Variants in RNF167 observed in about 807,000 individuals in gnomAD.
RNF167 encodes ring finger protein 167.
In RNF167, 19 loss-of-function variants were observed where a neutral mutation model predicts 34.8. That is an observed-to-expected ratio of 0.55 (90% CI 0.38 to 0.80). The LOEUF (loss-of-function observed/expected upper bound fraction) is 0.80, where lower values mean the gene tolerates loss of function less well. RNF167 is among the 30% of genes least tolerant of loss of function. RNF167 has a pLI of 0.00. For synonymous variants in RNF167, 200 were observed against 170.4 expected, an observed-to-expected ratio of 1.17 and a Z score of -1.35; for missense variants, 464 against 447.0, an observed-to-expected ratio of 1.04 and a Z score of -0.34.
At chr17:4,940,101 G>A (rs1299839240), upstream of RNF167, 3 of 447,576 alleles carry the variant, frequency 6.7e-6, no homozygotes, top group Non-Finnish European at 1.2e-5. Flanking sequence ...CGGAGCTGAA[G>A]GAGGAGCTTG....
rs1255429345 is a variant in RNF167, at chr17:4,945,206, GTTTC to G, written c.*194_*197del. 11 of 509,058 alleles carry G rather than the reference GTTTC, an allele frequency of 2.2e-5. No individual in the cohort carries two copies. The highest frequency in any genetic ancestry group is 5.1e-4 in the Middle Eastern group (1 of 1,960). The allele number at this position is 509,058 out of a possible 1,614,324, so 31.5% of individuals were successfully genotyped here. A position where few individuals can be genotyped will look rare whatever the true frequency, so the allele number is the denominator to read the frequency against. On this transcript the variant is annotated 3_prime_UTR_variant, in exon 10 of 10. Transcript: ENST00000262482. ...CTTCACTTCTTGGGCTAATAAAATTGTTTCTTTGTGGACTAAGGAAGGGTAAGAT... is the reference window on the plus strand; with the variant it reads ...CTTCACTTCTTGGGCTAATAAAATTGTTTGTGGACTAAGGAAGGGTAAGAT...
Position 4,943,247 on chromosome 17 carries a change from T to C in RNF167, c.539T>C (p.Ile180Thr), listed in dbSNP as rs1411029903. The change falls in exon 7 of 10, where the codon ATT becomes ACT. Residue 180 changes from isoleucine (I) to threonine (T), a missense_variant. By Grantham distance (89) the Ile-to-Thr change is moderately conservative (BLOSUM62 -1). Coordinates refer to ENST00000262482, the MANE Select transcript of RNF167 (RefSeq NM_015528.3). Reference sequence around the variant, plus strand: ...TATTACCTCATCCCTTTCACAGGGATTGTGGGACTGCTGGTTTTGGCCATG... The same window carrying C: ...TATTACCTCATCCCTTTCACAGGGACTGTGGGACTGCTGGTTTTGGCCATG... ...LGYYLIPFTG[I>T]VGLLVLAMGA... 6.2e-7 allele frequency: 1 copy of C among 1,613,964 alleles called. No homozygotes were observed. The highest frequency in any genetic ancestry group is 8.5e-7 in the Non-Finnish European group (1 of 1,180,008).
At position 4,940,689 on chromosome 17, in the gene RNF167, G is replaced by A; in HGVS notation, c.-221G>A. ...GCGTTTTATCCCCGTACCAGAAAAG[G>A]ATACATTTAGTGCCTCCCACCCAGC... is the stretch of plus-strand genomic sequence containing the variant. On this transcript the variant is annotated 5_prime_UTR_variant, in exon 2 of 10. Coordinates refer to ENST00000262482, the MANE Select transcript of RNF167 (RefSeq NM_015528.3). 2.2e-6 allele frequency: 1 copy of A among 448,800 alleles called. No homozygotes were observed. The highest frequency in any genetic ancestry group is 5.2e-5 in the South Asian group (1 of 19,416). The allele number at this position is 448,800 out of a possible 1,614,324, so 27.8% of individuals were successfully genotyped here.
At position 4,943,303 on chromosome 17, in the gene RNF167, A is replaced by G. The variant is rs1266434366; in HGVS notation, c.576+19A>G. The G allele has an allele frequency of 6.2e-6, 10 of 1,609,470 alleles. No individual in the cohort carries two copies. Among genetic ancestry groups the G allele is most frequent in the Admixed American group, 1.7e-5 (1 of 59,946 alleles). ...AGTAATGGTGAGTAGCTGAGGGAAC[A>G]TGATGGGAAGCACTGAGGCCTGTGA... On this transcript the variant is annotated intron_variant, in intron 7 of 9. Coordinates refer to ENST00000262482, the MANE Select transcript of RNF167 (RefSeq NM_015528.3).
chr17:4,940,108 C>T, upstream of RNF167: 2 of 442,682 alleles, frequency 4.5e-6, no homozygotes, highest in Non-Finnish European at 7.9e-6. Context: ...GAAGGAGGAG[C>T]TTGATGGAAG....
rs754184279 is a variant in RNF167, at chr17:4,945,030, A to G, written c.*14A>G. 2 of 1,520,842 alleles carry G rather than the reference A, an allele frequency of 1.3e-6. No homozygotes were observed. Among genetic ancestry groups the G allele is most frequent in the East Asian group, 4.6e-5 (2 of 43,890 alleles). The allele number at this position is 1,520,842 out of a possible 1,614,324, so 94.2% of individuals were successfully genotyped here. A position where few individuals can be genotyped will look rare whatever the true frequency, so the allele number is the denominator to read the frequency against. ...ATCCTGGTCTAATAACCCCCCACAC[A>G]TACACCTCTGGTGACCTATTTGCAC... On this transcript the variant is annotated 3_prime_UTR_variant, in exon 10 of 10. Transcript: ENST00000262482.
chr17:4,944,692 CTTCA>C lies in RNF167; in HGVS notation c.752-22_752-19del, dbSNP rs1567662190. On this transcript the variant is annotated intron_variant, in intron 9 of 9. Transcript: ENST00000262482. ...CTCTGCCACCAGCAGCCACCAGGTG[CTTCA>C]CCTTGTTCCTCTCTGCAGCCTACCA... 5 of 1,614,168 alleles carry C rather than the reference CTTCA, an allele frequency of 3.1e-6. No homozygotes were observed. The Admixed American group carries it at 5.0e-5, about 16-fold the overall frequency.
chr17:4,940,501 C>T lies in RNF167; in HGVS notation c.-409C>T, dbSNP rs1056856238. ...CGGCCTTTTAGGACCGGAAGTCCTT[C>T]ATCTCAAGCATCCAATGCTGAAAGC... is the stretch of plus-strand genomic sequence containing the variant. On this transcript the variant is annotated 5_prime_UTR_variant, in exon 2 of 10. Coordinates refer to ENST00000262482, the MANE Select transcript of RNF167 (RefSeq NM_015528.3). 1 of 175,992 alleles carries T rather than the reference C, an allele frequency of 5.7e-6. No homozygotes were observed. Among genetic ancestry groups the T allele is most frequent in the African/African-American group, 2.4e-5 (1 of 42,446 alleles). The allele number at this position is 175,992 out of a possible 1,614,324, so 10.9% of individuals were successfully genotyped here.
chr17:4,944,912 C>T lies in RNF167; in HGVS notation c.949C>T (p.Leu317Phe), dbSNP rs749500216. 29 of 1,613,730 alleles carry T rather than the reference C, an allele frequency of 1.8e-5. No individual in the cohort carries two copies. The highest frequency in any genetic ancestry group is 2.5e-5 in the Non-Finnish European group (29 of 1,179,862). Residue 317 changes from leucine (L) to phenylalanine (F), a missense_variant, in exon 10 of 10, where the codon CTT becomes TTT. Physicochemically the swap from Leu to Phe is conservative, Grantham distance 22 (BLOSUM62 0). Transcript: ENST00000262482. ...RTPLLGSSPT[L>F]PTSFGSLAPA... ...CCCACTTTTGGGTTCTAGCCCCACTCTTCCCACCTCCTTTGGTTCCTTAGC... is the reference window on the plus strand; with the variant it reads ...CCCACTTTTGGGTTCTAGCCCCACTTTTCCCACCTCCTTTGGTTCCTTAGC...
At chr17:4,942,227 G>C in intron 3 of RNF167, 114 bp from the exon 4 acceptor site, 2 of 1,228,290 alleles carry the variant, frequency 1.6e-6, no homozygotes, top group Non-Finnish European at 2.3e-6. Context: ...CCAGGAAGGA[G>C]GAGGAAGTGA....
At position 4,944,908 on chromosome 17, in the gene RNF167, C is replaced by T. The variant is rs1299107438; in HGVS notation, c.945C>T (p.Pro315=). 6.2e-7 allele frequency: 1 copy of T among 1,613,886 alleles called. No individual in the cohort carries two copies. Among genetic ancestry groups the T allele is most frequent in the East Asian group, 2.2e-5 (1 of 44,880 alleles). Residue 315 remains proline, a synonymous_variant, in exon 10 of 10, where the codon CCC becomes CCT. Coordinates refer to ENST00000262482, the MANE Select transcript of RNF167 (RefSeq NM_015528.3). The part of the protein sequence containing the change: ...SERTPLLGSS[P]TLPTSFGSLA... ...GGACCCCACTTTTGGGTTCTAGCCCCACTCTTCCCACCTCCTTTGGTTCCT... is the reference window on the plus strand; with the variant it reads ...GGACCCCACTTTTGGGTTCTAGCCCTACTCTTCCCACCTCCTTTGGTTCCT...
At chr17:4,943,072 C>T in intron 6 of RNF167, 107 bp from the exon 7 acceptor site, 1 of 1,298,940 alleles carries the variant, frequency 7.7e-7, no homozygotes, top group South Asian at 1.2e-5. Flanking sequence ...ACTTTCTTCC[C>T]ATTCCTGTCC....
rs748102551 is a variant in RNF167, at chr17:4,945,000, C to T, written c.1037C>T (p.Pro346Leu). Residue 346 changes from proline (P) to leucine (L), a missense_variant, in exon 10 of 10, where the codon CCT (proline) becomes CTT (leucine). Transcript: ENST00000262482. ...CCCCCACTGTCCCCTCCCTCTTCCC[C>T]TGTTATCCTGGTCTAATAACCCCCC... The part of the protein sequence containing the change: ...TDPPLSPPSS[P>L]VILV The T allele has an allele frequency of 3.9e-6, 6 of 1,549,754 alleles. No homozygotes were observed. The East Asian group carries it at 6.8e-5, about 17-fold the overall frequency.
Position 4,943,011 on chromosome 17 carries a change from C to T in RNF167, c.470+70C>T, listed in dbSNP as rs1043123136. The T allele has an allele frequency of 2.8e-6, 4 of 1,451,522 alleles. No homozygotes were observed. The African/African-American group carries it at 4.2e-5, about 15-fold the overall frequency. 89.9% of individuals were successfully genotyped at this position (1,451,522 alleles called of 1,614,324 possible). A position where few individuals can be genotyped will look rare whatever the true frequency, so the allele number is the denominator to read the frequency against. On this transcript the variant is annotated intron_variant, in intron 6 of 9. Coordinates refer to ENST00000262482, the MANE Select transcript of RNF167 (RefSeq NM_015528.3). ...CCATGCCAACCTGGAGCCCAGGCCT[C>T]CTCATTACCCGAACCATTCAGCCTC...
intron 3 of RNF167, 99 bp from the exon 4 acceptor site, chr17:4,942,242 A>C: frequency 7.4e-7 from 1 of 1,356,116 alleles, no homozygotes; most frequent in Non-Finnish European, 1.0e-6. Flanking sequence ...AAGTGAGGAT[A>C]GAGGATGTGC....
Position 4,943,464 on chromosome 17 carries a change from GA to G in RNF167, c.617del (p.Asn206IlefsTer8). ...TCCAGCACCGGAAACGGCTCCAGCGGAATCGACTTACCAAAGAGCAACTGAA... is the reference window on the plus strand; with the variant it reads ...TCCAGCACCGGAAACGGCTCCAGCGGATCGACTTACCAAAGAGCAACTGAA... ...CIQHRKRLQR[N>X]RLTKEQLKQI... is the part of the protein sequence containing the mutation. On this transcript the variant is annotated frameshift_variant, in exon 8 of 10. Coordinates refer to ENST00000262482, the MANE Select transcript of RNF167 (RefSeq NM_015528.3). LOFTEE classifies it high-confidence loss of function. 1 of 1,614,046 alleles carries G rather than the reference GA, an allele frequency of 6.2e-7. No individual in the cohort carries two copies. Among genetic ancestry groups the G allele is most frequent in the Non-Finnish European group, 8.5e-7 (1 of 1,179,980 alleles).
At position 4,940,784 on chromosome 17, in the gene RNF167, G is replaced by A; in HGVS notation, c.-126G>A. On this transcript the variant is annotated 5_prime_UTR_variant, in exon 2 of 10. Transcript: ENST00000262482. ...TTCCCCGGCGCCCCCATGTAGCTGG[G>A]AAGTGGGACCTGGGGGTGGTTGGAC... 1.3e-6 allele frequency: 1 copy of A among 784,682 alleles called. No homozygotes were observed. The highest frequency in any genetic ancestry group is 1.9e-6 in the Non-Finnish European group (1 of 514,182). The allele number at this position is 784,682 out of a possible 1,614,324, so 48.6% of individuals were successfully genotyped here. A position where few individuals can be genotyped will look rare whatever the true frequency, so the allele number is the denominator to read the frequency against.
rs754895476 is a variant in RNF167, at chr17:4,942,438, G to C, written c.263G>C (p.Arg88Pro). ...VNGSVFIALL[R>P]RFDCNFDLKV... ...GGGTCAGTCTTTATTGCGCTGCTTC[G>C]AAGATTCGACTGCAACTTTGACCTC... The change falls in exon 4 of 10, where the codon CGA becomes CCA. Residue 88 changes from arginine to proline, a missense_variant. By Grantham distance (103) the Arg-to-Pro change is moderately radical. Coordinates refer to ENST00000262482, the MANE Select transcript of RNF167 (RefSeq NM_015528.3). 6.2e-7 allele frequency: 1 copy of C among 1,614,118 alleles called. No individual in the cohort carries two copies.
chr17:4,942,421 C>T lies in RNF167; in HGVS notation c.246C>T (p.Val82=), dbSNP rs764317898. The change falls in exon 4 of 10, where the codon GTC becomes GTT. Residue 82 remains valine, a synonymous_variant. Coordinates refer to ENST00000262482, the MANE Select transcript of RNF167 (RefSeq NM_015528.3). Reference sequence around the variant, plus strand: ...CCCCAGCCCCGGTCAATGGGTCAGTCTTTATTGCGCTGCTTCGAAGATTCG... The same window carrying T: ...CCCCAGCCCCGGTCAATGGGTCAGTTTTTATTGCGCTGCTTCGAAGATTCG... ...PPPPAPVNGS[V]FIALLRRFDC... The T allele has an allele frequency of 5.6e-6, 9 of 1,614,004 alleles. No homozygotes were observed. The highest frequency in any genetic ancestry group is 5.0e-5 in the Admixed American group (3 of 60,000).
Sources: gnomAD v4.1 joint callset for allele counts on GRCh38, gnomAD v4.1.1 for gene constraint, MANE v1.5 for transcripts, NCBI Gene and HGNC (gene_info 2026-07-23, HGNC 2026-07-21) for gene names.